PLCB1: variants seen among roughly 807,000 people sequenced by gnomAD.
The protein encoded by PLCB1 is phospholipase C beta 1.
PLCB1 carries 46 observed loss-of-function variants against 161.8 expected under a neutral mutation model. The ratio of observed to expected loss-of-function variants is 0.28; its 90% CI spans 0.22 to 0.36. The LOEUF is 0.36. Among genes scored for constraint, PLCB1 ranks in the 10% least tolerant of loss-of-function variants. PLCB1 has a pLI of 1.00. For missense variants in PLCB1, 1,016 were observed against 1,472.5 expected (o/e 0.69, Z 5.07); for synonymous variants, 517 against 503.7 (o/e 1.03, Z -0.35).
chr20:8,230,943 G>A (rs1979995601), intron 2 of PLCB1, among the ~76,000 whole-genome samples: 1 of 152,096 alleles, frequency 6.6e-6, no homozygotes, highest in Non-Finnish European at 1.5e-5. Flanking sequence ...AACACAATGA[G>A]TTACGTAATT....
chr20:8,836,352 A>G (rs1163127270), intron 31 of PLCB1, among the ~76,000 whole-genome samples: 1 of 143,782 alleles, frequency 7.0e-6, no homozygotes, highest in Admixed American at 7.3e-5. Context: ...ACTGGTCCAC[A>G]GGGTGCCCAT....
At chr20:8,149,583 C>T (rs2051488379) in intron 1 of PLCB1, among the ~76,000 whole-genome samples, 1 of 152,072 alleles carries the variant, frequency 6.6e-6, no homozygotes, top group Non-Finnish European at 1.5e-5. Flanking sequence ...CTGAGTGTTT[C>T]AGTATAAAAA....
intron 3 of PLCB1, among the ~76,000 whole-genome samples, chr20:8,428,454 C>T (rs1451221880): frequency 6.6e-6 from 1 of 152,198 alleles, no homozygotes; most frequent in Non-Finnish European, 1.5e-5. Flanking sequence ...CTCCTGACCT[C>T]AGGTGATCCA....
At chr20:8,645,996 G>T in intron 4 of PLCB1, 106 bp from the exon 5 acceptor site, 2 of 723,002 alleles carry the variant, frequency 2.8e-6, no homozygotes, top group South Asian at 1.7e-5. Flanking sequence ...AAAAACCTTT[G>T]GCATGCACAT....
chr20:8,524,909 A>C (rs1984521344), intron 3 of PLCB1, among the ~76,000 whole-genome samples: 1 of 152,178 alleles, frequency 6.6e-6, no homozygotes, highest in Non-Finnish European at 1.5e-5. Flanking sequence ...GTGTACTGCC[A>C]CAGCTGGGAA....
intron 2 of PLCB1, among the ~76,000 whole-genome samples, chr20:8,167,082 C>A (rs1046250416): frequency 6.6e-6 from 1 of 152,140 alleles, no homozygotes; most frequent in African/African-American, 2.4e-5. Context: ...GGTGTAAATA[C>A]TGTAGTGTCT....
intron 3 of PLCB1, among the ~76,000 whole-genome samples, chr20:8,443,276 G>A (rs1440529634): frequency 6.6e-6 from 1 of 152,122 alleles, no homozygotes. Flanking sequence ...CACAGCACCT[G>A]GCCATCTCGT....
At chr20:8,291,588 T>C (rs1001750160) in intron 2 of PLCB1, among the ~76,000 whole-genome samples, 3 of 152,204 alleles carry the variant, frequency 2.0e-5, no homozygotes, top group Non-Finnish European at 2.9e-5. Context: ...TATTTGTTGA[T>C]ATTTGGAAAT....
intron 24 of PLCB1, among the ~76,000 whole-genome samples, 183 bp from the exon 25 acceptor site, chr20:8,760,224 G>C (rs1356041316): frequency 6.6e-6 from 1 of 152,086 alleles, no homozygotes; most frequent in African/African-American, 2.4e-5. Flanking sequence ...ATTTAATTAG[G>C]TTTGTCTCAA....
intron 3 of PLCB1, among the ~76,000 whole-genome samples, chr20:8,561,750 T>C (rs1255380138): frequency 2.6e-5 from 4 of 152,168 alleles, no homozygotes; most frequent in Non-Finnish European, 5.9e-5. Context: ...ATAAGTCTTC[T>C]TTATACCCTA....
Position 8,727,383 on chromosome 20 carries a change from G to A in PLCB1, c.1753G>A (p.Glu585Lys). ...GLEQLTKSPV[E>K]FVEYNKMQLS... is the part of the protein sequence containing the mutation. ...TGAACAACTCACCAAGTCTCCAGTGGAATTTGTAGAGTATCCTTGATTTGA... is the reference window on the plus strand; with the variant it reads ...TGAACAACTCACCAAGTCTCCAGTGAAATTTGTAGAGTATCCTTGATTTGA... Residue 585 changes from glutamate (E) to lysine (K), a missense_variant, in exon 17 of 32, where the codon GAA becomes AAA. Around this residue, in one of 10 missense-constraint regions of PLCB1, gnomAD observed 67 missense variants for 195.6 expected, o/e 0.34. Transcript: ENST00000338037. 6.4e-7 allele frequency: 1 copy of A among 1,557,172 alleles called. No homozygotes were observed. Among genetic ancestry groups the A allele is most frequent in the Non-Finnish European group, 8.9e-7 (1 of 1,129,650 alleles).
At chr20:8,663,232 G>C (rs1401507621) in intron 9 of PLCB1, among the ~76,000 whole-genome samples, 1 of 151,640 alleles carries the variant, frequency 6.6e-6, no homozygotes, top group South Asian at 2.1e-4. Flanking sequence ...ATATAGTTGT[G>C]TGTGTATACA....
chr20:8,724,715 TCAG>T lies in PLCB1; in HGVS notation c.1643_1645del (p.Gln548del). The T allele has an allele frequency of 6.2e-7, 1 of 1,611,616 alleles. No individual in the cohort carries two copies. The highest frequency in any genetic ancestry group is 8.5e-7 in the Non-Finnish European group (1 of 1,178,038). ...AAATGTCTAATCTGGTGAACTATATTCAGCCAGTCAAGTTTGAGTCATTTGAAA... is the reference window on the plus strand; with the variant it reads ...AAATGTCTAATCTGGTGAACTATATTCCAGTCAAGTTTGAGTCATTTGAAA... On this transcript the variant is annotated inframe_deletion, in exon 16 of 32. Coordinates refer to ENST00000338037, the MANE Select transcript of PLCB1 (RefSeq NM_015192.4).
At chr20:8,274,690 G>T (rs1982443941) in intron 2 of PLCB1, among the ~76,000 whole-genome samples, 1 of 151,878 alleles carries the variant, frequency 6.6e-6, no homozygotes, top group East Asian at 1.9e-4. Flanking sequence ...ATATTTTTAG[G>T]AAGGGTTCAG....
chr20:8,194,594 A>G (rs1600227436), intron 2 of PLCB1, among the ~76,000 whole-genome samples: 1 of 152,084 alleles, frequency 6.6e-6, no homozygotes, highest in African/African-American at 2.4e-5. Flanking sequence ...GGTAAAAATT[A>G]TGATGAATAA....
chr20:8,242,296 G>A (rs1372731795), intron 2 of PLCB1, among the ~76,000 whole-genome samples: 2 of 151,916 alleles, frequency 1.3e-5, no homozygotes, highest in Non-Finnish European at 2.9e-5. Flanking sequence ...CGGGCCAGAT[G>A]TCTATCCCTG....
chr20:8,831,899 CCT>C (rs1158261581), intron 31 of PLCB1, among the ~76,000 whole-genome samples: 3 of 124,058 alleles, frequency 2.4e-5, no homozygotes, highest in East Asian at 3.4e-4. Context: ...TTTCTTTCTC[CCT>C]CTCTTTCTTT....
chr20:8,382,509 T>C (rs1987289944), intron 3 of PLCB1, among the ~76,000 whole-genome samples: 1 of 150,494 alleles, frequency 6.6e-6, no homozygotes, highest in Admixed American at 6.6e-5. Flanking sequence ...GGTCTCGATC[T>C]CCTGACCTCG....
At chr20:8,725,786 C>T (rs1979902023) in intron 16 of PLCB1, among the ~76,000 whole-genome samples, 1 of 152,046 alleles carries the variant, frequency 6.6e-6, no homozygotes, top group Admixed American at 6.6e-5. Flanking sequence ...GACAAGTAGC[C>T]AAGTGTGAGA....
Sources: allele counts gnomAD v4.1 joint callset (sites outside exome capture counted in the v4.1 genomes callset), GRCh38; gene constraint gnomAD v4.1.1; regional missense constraint gnomAD v4.1.1; transcripts MANE v1.5; gene names NCBI Gene and HGNC (gene_info 2026-07-23, HGNC 2026-07-21).